The following KCNH1 variants were observed in gnomAD, a reference collection of about 807,000 sequenced individuals.
The protein encoded by KCNH1 is potassium voltage-gated channel subfamily H member 1.
In KCNH1, 27 loss-of-function variants were observed where a neutral mutation model predicts 69.2. The ratio of observed to expected loss-of-function variants is 0.39; its 90% CI spans 0.29 to 0.54. The LOEUF is 0.54. Ranked by LOEUF, KCNH1 falls within the 20% of genes least tolerant of loss-of-function variation. The pLI is 0.68. For synonymous variants in KCNH1, 456 were observed against 487.7 expected, an observed-to-expected ratio of 0.93 and a Z score of 0.86; for missense variants, 798 against 1,261.6, an observed-to-expected ratio of 0.63 and a Z score of 5.57.
intron 8 of KCNH1, among the ~76,000 whole-genome samples, chr1:210,800,706 G>T (rs1242601599): frequency 6.6e-6 from 1 of 152,028 alleles, no homozygotes; most frequent in Non-Finnish European, 1.5e-5. Context: ...TCCCACAGCC[G>T]GCTCCCAACC....
intron 6 of KCNH1, among the ~76,000 whole-genome samples, chr1:210,996,266 A>T (rs1278831342): frequency 6.6e-6 from 1 of 152,172 alleles, no homozygotes; most frequent in African/African-American, 2.4e-5. Context: ...GCACCTGGAA[A>T]ATCGGGTCAC....
At chr1:210,722,260 G>T (rs1365178967) in intron 10 of KCNH1, among the ~76,000 whole-genome samples, 1 of 152,178 alleles carries the variant, frequency 6.6e-6, no homozygotes, top group African/African-American at 2.4e-5. Flanking sequence ...AAGGTGAGAA[G>T]GGAAAGGTAT....
chr1:211,024,775 G>A (rs917407248), intron 5 of KCNH1, among the ~76,000 whole-genome samples: 1 of 151,858 alleles, frequency 6.6e-6, no homozygotes, highest in African/African-American at 2.4e-5. Flanking sequence ...CTGCAGTATA[G>A]CCAGCTGGAC....
At chr1:210,979,235 G>C (rs1688669109) in intron 6 of KCNH1, among the ~76,000 whole-genome samples, 2 of 152,192 alleles carry the variant, frequency 1.3e-5, no homozygotes, top group African/African-American at 4.8e-5. Context: ...GGGAAAATGA[G>C]AGGAATCTCA....
At chr1:210,925,569 C>A (rs1006307289) in intron 6 of KCNH1, among the ~76,000 whole-genome samples, 1 of 152,190 alleles carries the variant, frequency 6.6e-6, no homozygotes, top group Non-Finnish European at 1.5e-5. Flanking sequence ...GGACAGAGGG[C>A]TGCGTGGGAG....
intron 7 of KCNH1, among the ~76,000 whole-genome samples, chr1:210,902,475 G>C (rs985138666): frequency 6.6e-6 from 1 of 152,168 alleles, no homozygotes; most frequent in African/African-American, 2.4e-5. Flanking sequence ...GAGGAAGCTG[G>C]CTCTGTTTTG....
intron 4 of KCNH1, among the ~76,000 whole-genome samples, chr1:211,089,729 A>T (rs1188518190): frequency 6.6e-6 from 1 of 152,228 alleles, no homozygotes; most frequent in Non-Finnish European, 1.5e-5. Context: ...AGAGCTGAAA[A>T]ATCAACCACA....
chr1:211,059,405 C>A (rs888286609), intron 5 of KCNH1, among the ~76,000 whole-genome samples: 3 of 152,050 alleles, frequency 2.0e-5, no homozygotes, highest in East Asian at 3.9e-4. Context: ...AATGGTAGTG[C>A]ACCCATATAT....
intron 6 of KCNH1, among the ~76,000 whole-genome samples, chr1:210,940,339 G>A (rs1384449893): frequency 6.6e-6 from 1 of 152,178 alleles, no homozygotes; most frequent in Non-Finnish European, 1.5e-5. Flanking sequence ...GCAGCAGCAA[G>A]CACAAGTTAG....
Position 210,898,683 on chromosome 1 carries a change from G to GA in KCNH1, c.1462+20956_1462+20957insT, listed in dbSNP as rs916784445. On this transcript the variant is annotated intron_variant, in intron 7 of 10. Coordinates refer to ENST00000271751, the MANE Select transcript of KCNH1 (RefSeq NM_172362.3). ...CTTGGAGGGGGCAGGCGTGGCGGCG[G>GA]GGGGGGGTCCTGTCAACCACCTTTT... Among the ~76,000 whole-genome samples, 13 of 151,508 alleles carry GA rather than the reference G, an allele frequency of 8.6e-5. No individual in the cohort carries two copies. In the South Asian group the frequency reaches 2.4e-3, roughly 27 times the overall value.
At position 210,682,297 on chromosome 1, in the gene KCNH1, G is replaced by C. The variant is rs1681288062; in HGVS notation, c.*984C>G. 1 of 152,224 alleles carries C rather than the reference G, an allele frequency of 6.6e-6. No individual in the cohort carries two copies. The highest frequency in any genetic ancestry group is 1.5e-5 in the Non-Finnish European group (1 of 68,058). The allele number at this position is 152,224 out of a possible 1,614,324, so 9.4% of individuals were successfully genotyped here. On this transcript the variant is annotated 3_prime_UTR_variant, in exon 11 of 11. Transcript: ENST00000271751. ...CAGGGCAATCCCAATGAGAATCAAA[G>C]TATAAACATAGCACTTGCTACAGTT... is the stretch of plus-strand genomic sequence containing the variant.
rs1558438059 is a variant in KCNH1, at chr1:210,718,389, T to TGCATAA, written c.2113-34252_2113-34251insTTATGC. 1.7e-3 allele frequency among the ~76,000 whole-genome samples: 29 copies of TGCATAA among 16,622 alleles called. 5 individuals are homozygous for TGCATAA. Among genetic ancestry groups the TGCATAA allele is most frequent in the South Asian group, 4.0e-3 (2 of 502 alleles). The allele number at this position is 16,622 out of a possible 152,430, so 10.9% of individuals were successfully genotyped here. A position where few individuals can be genotyped will look rare whatever the true frequency, so the allele number is the denominator to read the frequency against. ...ATATATAAATATATGCATATATTTA[T>TGCATAA]ATATAAAATATATGCATATATGTAT... On this transcript the variant is annotated intron_variant, in intron 10 of 10. Coordinates refer to ENST00000271751, the MANE Select transcript of KCNH1 (RefSeq NM_172362.3).
chr1:210,767,292 G>A (rs1262586950), intron 10 of KCNH1, among the ~76,000 whole-genome samples: 1 of 152,178 alleles, frequency 6.6e-6, no homozygotes, highest in Non-Finnish European at 1.5e-5. Flanking sequence ...TGGGCCACTG[G>A]GCATTTGTAA....
At chr1:210,820,408 G>C (rs1420887072) in intron 7 of KCNH1, among the ~76,000 whole-genome samples, 2 of 152,070 alleles carry the variant, frequency 1.3e-5, no homozygotes, top group African/African-American at 2.4e-5. Context: ...GGCTGAGGCG[G>C]GTGGATCATG....
At chr1:211,077,961 T>C (rs547785122) in intron 5 of KCNH1, among the ~76,000 whole-genome samples, 167 of 148,548 alleles carry the variant, frequency 1.1e-3, no homozygotes, top group African/African-American at 3.9e-3. Flanking sequence ...AAAGCAGGGT[T>C]GCAATCCTAG....
intron 10 of KCNH1, among the ~76,000 whole-genome samples, chr1:210,694,789 A>G (rs1354310726): frequency 6.6e-6 from 1 of 152,182 alleles, no homozygotes; most frequent in Non-Finnish European, 1.5e-5. Context: ...ACTTCATTAC[A>G]CAAGGAAACA....
At position 211,082,761 on chromosome 1, in the gene KCNH1, G is replaced by A. The variant is rs752429199; in HGVS notation, c.558+19C>T. ...CCCCTAAAAGTGAGGCTCAAGATGA[G>A]CTAACCCTTTGCCCTTACCTCTGCC... On this transcript the variant is annotated intron_variant, in intron 5 of 10. Transcript: ENST00000271751. The A allele has an allele frequency of 6.3e-7, 1 of 1,593,550 alleles. No individual in the cohort carries two copies. The highest frequency in any genetic ancestry group is 1.3e-5 in the African/African-American group (1 of 74,674).
At chr1:210,835,394 A>G (rs1241873176) in intron 7 of KCNH1, among the ~76,000 whole-genome samples, 1 of 152,236 alleles carries the variant, frequency 6.6e-6, no homozygotes, top group East Asian at 1.9e-4. Context: ...ACACTAACCT[A>G]TATGGATTCA....
At chr1:210,714,571 G>T (rs1254434687) in intron 10 of KCNH1, among the ~76,000 whole-genome samples, 2 of 152,112 alleles carry the variant, frequency 1.3e-5, no homozygotes, top group Non-Finnish European at 2.9e-5. Flanking sequence ...GAATATACAT[G>T]TGCAGCATAA....
Sources: allele counts gnomAD v4.1 joint callset (sites outside exome capture counted in the v4.1 genomes callset), GRCh38; gene constraint gnomAD v4.1.1; transcripts MANE v1.5; gene names NCBI Gene and HGNC (gene_info 2026-07-23, HGNC 2026-07-21).